FRAS1: variants seen among roughly 807,000 people sequenced by gnomAD.
FRAS1 encodes Fraser extracellular matrix complex subunit 1.
Under a neutral mutation model 435.2 loss-of-function variants are expected in FRAS1, and 290 were observed. That is an observed-to-expected ratio of 0.67 (90% confidence interval 0.61 to 0.73). The LOEUF is 0.73. FRAS1 is among the 30% of genes least tolerant of loss of function. The pLI, the probability that FRAS1 is intolerant of heterozygous loss-of-function variation, is 0.00. For missense variants in FRAS1, 4,860 were observed against 5,001.5 expected, an observed-to-expected ratio of 0.97 and a Z score of 0.85; for synonymous variants, 1,800 against 1,851.0, an observed-to-expected ratio of 0.97 and a Z score of 0.71.
intron 47 of FRAS1, among the ~76,000 whole-genome samples, chr4:78,460,898 A>C (rs898482759): frequency 6.6e-6 from 1 of 152,192 alleles, no homozygotes; most frequent in African/African-American, 2.4e-5. Flanking sequence ...GCTCAATAGA[A>C]CCTCTTAGGT....
chr4:78,271,058 C>G (rs1298487588), intron 9 of FRAS1, among the ~76,000 whole-genome samples: 1 of 152,022 alleles, frequency 6.6e-6, no homozygotes, highest in Non-Finnish European at 1.5e-5. Context: ...CTTAAAAATC[C>G]ATCTATAATG....
At chr4:78,519,094 C>A (rs376873355) in intron 66 of FRAS1, among the ~76,000 whole-genome samples, 21,200 of 152,184 alleles carry the variant, frequency 0.14, 1,769 homozygotes, top group Non-Finnish European at 0.2. Context: ...CAAGTGCCAC[C>A]TCCTTAGAGA....
intron 2 of FRAS1, among the ~76,000 whole-genome samples, chr4:78,223,163 A>G (rs1261730886): frequency 6.6e-6 from 1 of 152,110 alleles, no homozygotes; most frequent in Non-Finnish European, 1.5e-5. Context: ...TCAGTATGTC[A>G]TTCCCATCAG....
Position 78,087,610 on chromosome 4 carries a change from A to C in FRAS1, c.108+21594A>C, listed in dbSNP as rs554324623. On this transcript the variant is annotated intron_variant, in intron 2 of 73. Coordinates refer to ENST00000512123, the MANE Select transcript of FRAS1 (RefSeq NM_025074.7). ...TACAAAACCAATGTACAAAAATCAC[A>C]AGCATTCTTATACACCAATAACAGA... Among the ~76,000 whole-genome samples, 519 of 152,308 alleles carry C rather than the reference A, an allele frequency of 3.4e-3. 4 individuals carry two copies. Among genetic ancestry groups the C allele is most frequent in the African/African-American group, 0.012 (501 of 41,556 alleles).
At chr4:78,347,673 A>T (rs541218294) in intron 20 of FRAS1, among the ~76,000 whole-genome samples, 8 of 152,152 alleles carry the variant, frequency 5.3e-5, no homozygotes, top group African/African-American at 1.9e-4. Flanking sequence ...ATAAGCACTC[A>T]AGTTCAAGTT....
chr4:78,444,675 A>C (rs562490667), intron 41 of FRAS1, among the ~76,000 whole-genome samples: 19 of 151,934 alleles, frequency 1.3e-4, no homozygotes, highest in Non-Finnish European at 2.4e-4. Context: ...ATTAAAATCA[A>C]GTAAAAAACA....
chr4:78,385,158 C>G (rs17460388), intron 28 of FRAS1, among the ~76,000 whole-genome samples: 4 of 151,874 alleles, frequency 2.6e-5, no homozygotes, highest in Admixed American at 2.6e-4. Flanking sequence ...GTTGTACTTA[C>G]GGGTCCAGAA....
At chr4:78,312,535 C>T (rs1412902493) in intron 15 of FRAS1, among the ~76,000 whole-genome samples, 2 of 151,838 alleles carry the variant, frequency 1.3e-5, no homozygotes, top group Admixed American at 6.6e-5. Context: ...CTTAAGAAAA[C>T]TCAACTGGGT....
rs78363185 is a variant in FRAS1 at position 78,057,753 on chromosome 4, G to A, written c.-257G>A. The A allele has an allele frequency of 2.0e-5, 11 of 544,842 alleles. No individual in the cohort carries two copies. The African/African-American group carries it at 2.1e-4, about 10-fold the overall frequency. 33.8% of individuals were successfully genotyped at this position (544,842 alleles called of 1,614,324 possible). On this transcript the variant is annotated 5_prime_UTR_variant, in exon 1 of 74. Transcript: ENST00000512123. The surrounding 1 kb of genome is among the most constrained non-coding windows in gnomAD (Gnocchi z 4.2). Reference sequence around the variant, plus strand: ...CTCCTCTTATTCTCCCAAAGCTCACGTTGGCGTCCTGCCTTGCGGGGGAAC... The same window carrying A: ...CTCCTCTTATTCTCCCAAAGCTCACATTGGCGTCCTGCCTTGCGGGGGAAC...
Position 78,373,711 on chromosome 4 carries a change from G to T in FRAS1, c.3011-400G>T, listed in dbSNP as rs542309678. 1.5e-3 allele frequency among the ~76,000 whole-genome samples: 235 copies of T among 152,014 alleles called. 1 individual carries two copies. Among genetic ancestry groups the T allele is most frequent in the African/African-American group, 5.3e-3 (221 of 41,440 alleles). ...AATCGCTTGAACCCGGGAGGCAGAG[G>T]TTGCGGTGAGCCGAGATTGTGCCAC... On this transcript the variant is annotated intron_variant, in intron 24 of 73. Transcript: ENST00000512123.
chr4:78,301,243 T>G (rs1728377250), intron 14 of FRAS1, among the ~76,000 whole-genome samples: 1 of 152,196 alleles, frequency 6.6e-6, no homozygotes, highest in Non-Finnish European at 1.5e-5. Context: ...GAAAGAAACC[T>G]TTTAAGAATT....
intron 2 of FRAS1, among the ~76,000 whole-genome samples, chr4:78,112,983 C>T (rs1022396263): frequency 5.9e-5 from 9 of 152,116 alleles, no homozygotes; most frequent in Non-Finnish European, 1.2e-4. Flanking sequence ...CCCGCTCCCT[C>T]CACCCCACAA....
At chr4:78,486,807 G>A (rs1269388577) in intron 58 of FRAS1, among the ~76,000 whole-genome samples, 1 of 147,096 alleles carries the variant, frequency 6.8e-6, no homozygotes, top group Non-Finnish European at 1.5e-5. Flanking sequence ...TGTGTCCACT[G>A]CCTTTTCTCT....
At chr4:78,091,333 C>T (rs1741509342) in intron 2 of FRAS1, among the ~76,000 whole-genome samples, 1 of 152,034 alleles carries the variant, frequency 6.6e-6, no homozygotes, top group Non-Finnish European at 1.5e-5. Context: ...CGTGTCCTCT[C>T]CCTCCTGTCC....
chr4:78,400,796 G>A lies in FRAS1; in HGVS notation c.4038G>A (p.Leu1346=). ...SMVWVPEGGM[L]QITNRILQAE... is the part of the protein sequence containing the mutation. The stretch of plus-strand genomic sequence containing the variant: ...TGTGGGTTCCAGAAGGGGGGATGCT[G>A]CAGATCACCAACAGAATCTTACAGG... The change falls in exon 30 of 74, where the codon CTG becomes CTA. Residue 1346 remains leucine (L), a synonymous_variant. Transcript: ENST00000512123. 8 of 1,613,604 alleles carry A rather than the reference G, an allele frequency of 5.0e-6. No homozygotes were observed. Among genetic ancestry groups the A allele is most frequent in the Non-Finnish European group, 6.8e-6 (8 of 1,179,680 alleles).
intron 38 of FRAS1, among the ~76,000 whole-genome samples, chr4:78,436,227 A>C (rs1468941172): frequency 6.6e-6 from 1 of 152,200 alleles, no homozygotes; most frequent in Non-Finnish European, 1.5e-5. Context: ...AATTCCACAG[A>C]AGAGGAACCC....
intron 2 of FRAS1, among the ~76,000 whole-genome samples, chr4:78,073,137 G>C (rs1339962277): frequency 6.6e-6 from 1 of 152,162 alleles, no homozygotes; most frequent in African/African-American, 2.4e-5. Context: ...AGCTGTCTCT[G>C]AGAATTTTTT....
chr4:78,265,335 T>C (rs1726297687), intron 7 of FRAS1, among the ~76,000 whole-genome samples: 1 of 152,210 alleles, frequency 6.6e-6, no homozygotes, highest in South Asian at 2.1e-4. Context: ...CAGAACCTAG[T>C]TTAAGAACCT....
At chr4:78,140,725 A>G (rs1259486848) in intron 2 of FRAS1, among the ~76,000 whole-genome samples, 9 of 148,152 alleles carry the variant, frequency 6.1e-5, no homozygotes, top group African/African-American at 2.4e-4. Context: ...GTGTATATGT[A>G]TATACGTGTG....
Sources: allele counts gnomAD v4.1 joint callset (sites outside exome capture counted in the v4.1 genomes callset), GRCh38; gene constraint gnomAD v4.1.1; non-coding constraint Gnocchi (gnomAD v3.1); transcripts MANE v1.5; gene names NCBI Gene and HGNC (gene_info 2026-07-23, HGNC 2026-07-21).